BACH2: variants seen among roughly 807,000 people sequenced by gnomAD.
BACH2 encodes the protein BACH transcriptional regulator 2.
A neutral mutation model predicts 61.8 loss-of-function variants in BACH2; 5 were observed. That is an observed-to-expected ratio of 0.08 (90% CI 0.04 to 0.17). The LOEUF (loss-of-function observed/expected upper bound fraction) is 0.17, where lower values mean the gene tolerates loss of function less well. Among genes scored for constraint, BACH2 ranks in the 10% least tolerant of loss-of-function variants. The probability of loss-of-function intolerance (pLI) is 1.00; values close to 1 mark genes in which losing one functional copy is unlikely to be tolerated. For missense variants in BACH2, 824 were observed against 1,091.1 expected (o/e 0.76, Z 3.45); for synonymous variants, 446 against 440.1 (o/e 1.01, Z -0.17).
intron 3 of BACH2, among the ~76,000 whole-genome samples, chr6:90,212,730 T>C (rs1035980145): frequency 5.9e-5 from 9 of 152,064 alleles, no homozygotes; most frequent in African/African-American, 2.2e-4. Flanking sequence ...TATGGTTCAA[T>C]AGGAAATGGT....
At chr6:90,029,008 C>A (rs1326869618) in intron 5 of BACH2, among the ~76,000 whole-genome samples, 5 of 152,214 alleles carry the variant, frequency 3.3e-5, no homozygotes, top group Non-Finnish European at 5.9e-5. Flanking sequence ...TCTTTTCCAA[C>A]CATGCCAATT....
At chr6:90,204,181 A>AGCTGG (rs1316953457) in intron 4 of BACH2, among the ~76,000 whole-genome samples, 4 of 152,178 alleles carry the variant, frequency 2.6e-5, no homozygotes, top group Admixed American at 1.3e-4. Flanking sequence ...CCCGTCAGTG[A>AGCTGG]GCTGGGATTT....
At chr6:90,220,631 G>T (rs1049534876) in intron 3 of BACH2, among the ~76,000 whole-genome samples, 2 of 152,198 alleles carry the variant, frequency 1.3e-5, no homozygotes, top group Non-Finnish European at 2.9e-5. Flanking sequence ...TCTGCTGCAT[G>T]TAGGTTTTTA....
At chr6:90,271,672 T>C (rs1282178531) in intron 2 of BACH2, among the ~76,000 whole-genome samples, 177 bp downstream of exon 2, 1 of 151,998 alleles carries the variant, frequency 6.6e-6, no homozygotes, top group Non-Finnish European at 1.5e-5. Flanking sequence ...GAAATGCAAA[T>C]TAAAAGTGCA....
chr6:90,209,480 C>T (rs982827536), intron 3 of BACH2, among the ~76,000 whole-genome samples: 11 of 152,212 alleles, frequency 7.2e-5, no homozygotes, highest in Admixed American at 3.9e-4. Context: ...GAACTTTATA[C>T]ATGCTGTTTC....
chr6:89,927,220 T>C lies in BACH2; in HGVS notation c.*5188A>G, dbSNP rs3798791. ...AGCACCTGAAGCTCCCAAATGCATATGGAATCTTCCTGATCACTCACTAGA... is the reference window on the plus strand; with the variant it reads ...AGCACCTGAAGCTCCCAAATGCATACGGAATCTTCCTGATCACTCACTAGA... On this transcript the variant is annotated 3_prime_UTR_variant, in exon 9 of 9. Coordinates refer to ENST00000257749, the MANE Select transcript of BACH2 (RefSeq NM_021813.4). 1 of 152,762 alleles carries C rather than the reference T, an allele frequency of 6.5e-6. No homozygotes were observed. The highest frequency in any genetic ancestry group is 2.4e-5 in the African/African-American group (1 of 41,458). The allele number at this position is 152,762 out of a possible 1,614,324, so 9.5% of individuals were successfully genotyped here.
chr6:90,271,772 T>G (rs1179699559), intron 2 of BACH2, 77 bp downstream of exon 2: 1 of 152,344 alleles, frequency 6.6e-6, no homozygotes, highest in African/African-American at 2.4e-5. Flanking sequence ...AAGGGAACAC[T>G]TTCACACTGC....
chr6:90,085,486 G>A (rs1004211930), intron 5 of BACH2, among the ~76,000 whole-genome samples: 2 of 152,188 alleles, frequency 1.3e-5, no homozygotes, highest in South Asian at 2.1e-4. Context: ...GGTGGCTCAC[G>A]CTTTCCTTCG....
chr6:89,932,035 A>G lies in BACH2; in HGVS notation c.*373T>C, dbSNP rs1477708369. ...GTGTATAGAAGCTGTCTTCAATGAAAAAAATTGAACATTCAGAAGAAATTC... is the reference window on the plus strand; with the variant it reads ...GTGTATAGAAGCTGTCTTCAATGAAGAAAATTGAACATTCAGAAGAAATTC... On this transcript the variant is annotated 3_prime_UTR_variant, in exon 9 of 9. Coordinates refer to ENST00000257749, the MANE Select transcript of BACH2 (RefSeq NM_021813.4). The G allele has an allele frequency of 5.5e-6, 1 of 183,244 alleles. No individual in the cohort carries two copies. The highest frequency in any genetic ancestry group is 1.2e-5 in the Non-Finnish European group (1 of 85,180). 11.4% of individuals were successfully genotyped at this position (183,244 alleles called of 1,614,324 possible).
chr6:89,992,296 T>C (rs1490986883), intron 6 of BACH2, among the ~76,000 whole-genome samples: 1 of 152,342 alleles, frequency 6.6e-6, no homozygotes, highest in East Asian at 1.9e-4. Context: ...ATATATAGTG[T>C]ACATATCCCT....
chr6:90,187,954 G>T (rs996841820), intron 4 of BACH2, among the ~76,000 whole-genome samples: 20 of 152,204 alleles, frequency 1.3e-4, no homozygotes, highest in African/African-American at 4.6e-4. Flanking sequence ...AAGTGCCCCA[G>T]TGCTGAGGCT....
At chr6:90,212,420 C>T (rs1769386601) in intron 3 of BACH2, among the ~76,000 whole-genome samples, 1 of 152,170 alleles carries the variant, frequency 6.6e-6, no homozygotes, top group Admixed American at 6.5e-5. Context: ...GCAGGTCCCT[C>T]TCCATCCTCA....
At chr6:90,158,275 A>G (rs1202969985) in intron 4 of BACH2, among the ~76,000 whole-genome samples, 1 of 152,190 alleles carries the variant, frequency 6.6e-6, no homozygotes, top group Non-Finnish European at 1.5e-5. Context: ...AAAATATTAG[A>G]CCATTTGTTC....
At chr6:90,171,398 G>A (rs1185384967) in intron 4 of BACH2, among the ~76,000 whole-genome samples, 1 of 151,222 alleles carries the variant, frequency 6.6e-6, no homozygotes, top group African/African-American at 2.4e-5. Context: ...GGGTGACAAA[G>A]TGAGACTCTT....
rs1772696502 is a variant in BACH2, at chr6:89,932,258, T to C, written c.*150A>G. On this transcript the variant is annotated 3_prime_UTR_variant, in exon 9 of 9. Transcript: ENST00000257749. ...ACTCCTGCTCGAGAAGAGGAGAGGATACTTCGGAACAGTATTGCTGCTAAG... is the reference window on the plus strand; with the variant it reads ...ACTCCTGCTCGAGAAGAGGAGAGGACACTTCGGAACAGTATTGCTGCTAAG... 1 of 1,022,858 alleles carries C rather than the reference T, an allele frequency of 9.8e-7. No homozygotes were observed. The highest frequency in any genetic ancestry group is 1.6e-5 in the African/African-American group (1 of 62,414). The allele number at this position is 1,022,858 out of a possible 1,614,324, so 63.4% of individuals were successfully genotyped here. A position where few individuals can be genotyped will look rare whatever the true frequency, so the allele number is the denominator to read the frequency against.
intron 2 of BACH2, among the ~76,000 whole-genome samples, chr6:90,255,301 A>T (rs1421770584): frequency 6.6e-6 from 1 of 152,242 alleles, no homozygotes; most frequent in Non-Finnish European, 1.5e-5. Context: ...TTTACTAAAA[A>T]TGTACTGTGT....
At chr6:90,227,583 T>C (rs553615421) in intron 3 of BACH2, among the ~76,000 whole-genome samples, 7 of 152,202 alleles carry the variant, frequency 4.6e-5, no homozygotes, top group Non-Finnish European at 8.8e-5. Flanking sequence ...CTTTTTCTTT[T>C]CTTGGAGATT....
chr6:90,002,143 TC>T (rs1263145598), intron 6 of BACH2, among the ~76,000 whole-genome samples: 3 of 152,202 alleles, frequency 2.0e-5, no homozygotes, highest in Non-Finnish European at 4.4e-5. Context: ...CGAAATGCTT[TC>T]TTCACCTGGC....
chr6:90,213,042 C>A (rs947347272), intron 3 of BACH2, among the ~76,000 whole-genome samples: 2 of 152,206 alleles, frequency 1.3e-5, no homozygotes, highest in Admixed American at 6.5e-5. Flanking sequence ...AAAGGCACAA[C>A]ACAGAGGAGC....
Sources: allele counts gnomAD v4.1 joint callset (sites outside exome capture counted in the v4.1 genomes callset), GRCh38; gene constraint gnomAD v4.1.1; transcripts MANE v1.5; gene names NCBI Gene and HGNC (gene_info 2026-07-23, HGNC 2026-07-21).